The following GSDME variants were observed in gnomAD, a reference collection of about 807,000 sequenced individuals.
GSDME encodes the protein gasdermin-E.
GSDME carries 44 observed loss-of-function variants against 47.5 expected under a neutral mutation model. The ratio of observed to expected loss-of-function variants is 0.93; its 90% confidence interval spans 0.73 to 1.19. The LOEUF is 1.19. GSDME is among the 50% of genes most tolerant of loss of function. The probability of loss-of-function intolerance (pLI) is 0.00; values close to 1 mark genes in which losing one functional copy is unlikely to be tolerated. For missense variants in GSDME, 663 were observed against 604.2 expected (o/e 1.10, Z -1.02); for synonymous variants, 258 against 252.8 (o/e 1.02, Z -0.20).
Position 24,744,880 on chromosome 7 carries a change from C to T in GSDME, c.212-126G>A. 3.0e-6 allele frequency: 3 copies of T among 993,424 alleles called. No homozygotes were observed. The highest frequency in any genetic ancestry group is 2.7e-5 in the South Asian group (2 of 72,752). The allele number at this position is 993,424 out of a possible 1,614,324, so 61.5% of individuals were successfully genotyped here. A position where few individuals can be genotyped will look rare whatever the true frequency, so the allele number is the denominator to read the frequency against. On this transcript the variant is annotated intron_variant, in intron 2 of 9. Coordinates refer to ENST00000645220, the MANE Select transcript of GSDME (RefSeq NM_001127453.2). The surrounding 1 kb of genome is among the most constrained non-coding windows in gnomAD (Gnocchi z 4.5). ...AGAAGGCTGGCACTCAGATGGAAAG[C>T]CGGCAGCCATGCTGTGTGTGTGGGC...
intron 6 of GSDME, among the ~76,000 whole-genome samples, 189 bp from the exon 7 acceptor site, chr7:24,708,443 A>G (rs530097162): frequency 2.0e-5 from 3 of 152,302 alleles, no homozygotes; most frequent in Admixed American, 2.0e-4. Context: ...TCAATAACCA[A>G]AGGGAGGGAG....
In GSDME at chr7:24,754,186, C is replaced by G. The variant is rs979324330; in HGVS notation, c.-20+3210G>C. Among the ~76,000 whole-genome samples, 6 of 152,188 alleles carry G rather than the reference C, an allele frequency of 3.9e-5. No homozygotes were observed. The highest frequency in any genetic ancestry group is 1.4e-4 in the African/African-American group (6 of 41,436). On this transcript the variant is annotated intron_variant, in intron 1 of 9. Transcript: ENST00000645220. This position sits in a 1 kb window ranked among gnomAD's most constrained non-coding sequence, Gnocchi z 5.0. ...ATAGATCACGGACTCTCGCACAGAG[C>G]CTTAAAAGTTATATTAGCAGCCGGG...
chr7:24,749,959 T>G (rs1790803558), intron 1 of GSDME, among the ~76,000 whole-genome samples, 166 bp from the exon 2 acceptor site: 1 of 152,220 alleles, frequency 6.6e-6, no homozygotes, highest in Non-Finnish European at 1.5e-5. Context: ...AGAACTCAAA[T>G]AGAGATATTG....
chr7:24,762,622 G>A (rs545729009), upstream of GSDME, among the ~76,000 whole-genome samples: 16 of 152,256 alleles, frequency 1.1e-4, no homozygotes, highest in African/African-American at 3.6e-4. Flanking sequence ...GGTGACCAAC[G>A]AGAATGTGCT....
chr7:24,744,165 G>T lies in GSDME; in HGVS notation c.404+397C>A. 4.6e-6 allele frequency: 1 copy of T among 217,222 alleles called. No homozygotes were observed. The highest frequency in any genetic ancestry group is 9.3e-6 in the Non-Finnish European group (1 of 107,816). 13.5% of individuals were successfully genotyped at this position (217,222 alleles called of 1,614,324 possible). A position where few individuals can be genotyped will look rare whatever the true frequency, so the allele number is the denominator to read the frequency against. The stretch of plus-strand genomic sequence containing the variant: ...AGCTCTTATTTTTGAACTTTTTTAC[G>T]CGCCTCTCACTTGCTTTCTTCTTTT... On this transcript the variant is annotated intron_variant, in intron 3 of 9. Coordinates refer to ENST00000645220, the MANE Select transcript of GSDME (RefSeq NM_001127453.2). This position sits in a 1 kb window ranked among gnomAD's most constrained non-coding sequence, Gnocchi z 4.5.
chr7:24,709,431 C>T (rs1789257090), intron 6 of GSDME, among the ~76,000 whole-genome samples: 1 of 152,146 alleles, frequency 6.6e-6, no homozygotes, highest in South Asian at 2.1e-4. Flanking sequence ...TAAAATTGGG[C>T]CTTTGTTGTC....
chr7:24,713,715 G>C (rs149708163), intron 5 of GSDME, among the ~76,000 whole-genome samples: 1 of 152,264 alleles, frequency 6.6e-6, no homozygotes, highest in African/African-American at 2.4e-5. Context: ...CCACAGAAGG[G>C]TGTCTGAGCA....
intron 1 of GSDME, among the ~76,000 whole-genome samples, chr7:24,751,840 CAA>C (rs1188504309): frequency 6.6e-6 from 1 of 152,086 alleles, no homozygotes; most frequent in South Asian, 2.1e-4. Flanking sequence ...GATACAGAAA[CAA>C]AAAATAATTT....
At chr7:24,758,091 C>G (rs1032111059), upstream of GSDME, 3 of 152,318 alleles carry the variant, frequency 2.0e-5, no homozygotes, top group African/African-American at 7.2e-5. This position sits in a 1 kb window ranked among gnomAD's most constrained non-coding sequence, Gnocchi z 4.6. Flanking sequence ...CTCAGCATAG[C>G]TGGTGCTCAA....
At chr7:24,706,435 G>GAGACCAAGC in intron 7 of GSDME, 59 bp from the exon 8 acceptor site, 1 of 1,539,708 alleles carries the variant, frequency 6.5e-7, no homozygotes, top group Non-Finnish European at 8.9e-7. Flanking sequence ...GCCACAGCTG[G>GAGACCAAGC]GGCCTCCGCT....
At chr7:24,772,932 A>G in the GSDME span, among the ~76,000 whole-genome samples, 1 of 152,232 alleles carries the variant, frequency 6.6e-6, no homozygotes, top group Non-Finnish European at 1.5e-5. This position sits in a 1 kb window ranked among gnomAD's most constrained non-coding sequence, Gnocchi z 4.5. Context: ...GGACTTGGCA[A>G]TTACAGCCAA....
intron 3 of GSDME, among the ~76,000 whole-genome samples, chr7:24,743,815 C>T (rs928238033): frequency 2.0e-5 from 3 of 152,196 alleles, no homozygotes; most frequent in African/African-American, 7.2e-5. Flanking sequence ...TTTCTAAGTT[C>T]GTAGCCCCCA....
At chr7:24,738,559 T>C (rs1054177494) in intron 3 of GSDME, among the ~76,000 whole-genome samples, 7 of 152,124 alleles carry the variant, frequency 4.6e-5, no homozygotes, top group African/African-American at 1.4e-4. Flanking sequence ...AAGTAATCTA[T>C]ACTTTGTAGA....
chr7:24,712,828 G>C lies in GSDME; in HGVS notation c.698-2440C>G, dbSNP rs1241477645. ...GAGGTCAGGAGTTTGAGACCAGCCT[G>C]ACCAACATGGAGAAACCTCGTCTTT... On this transcript the variant is annotated intron_variant, in intron 5 of 9. Coordinates refer to ENST00000645220, the MANE Select transcript of GSDME (RefSeq NM_001127453.2). This position sits in a 1 kb window ranked among gnomAD's most constrained non-coding sequence, Gnocchi z 4.4. Among the ~76,000 whole-genome samples the C allele has an allele frequency of 6.6e-6, 1 of 152,162 alleles. No homozygotes were observed. The highest frequency in any genetic ancestry group is 1.5e-5 in the Non-Finnish European group (1 of 68,022).
intron 2 of GSDME, among the ~76,000 whole-genome samples, chr7:24,747,165 A>AT (rs1243204135): frequency 6.6e-6 from 1 of 152,114 alleles, no homozygotes; most frequent in Non-Finnish European, 1.5e-5. Flanking sequence ...CTATTTTGTC[A>AT]TTTTTTACCC....
rs1258125478 is a variant in GSDME at position 24,724,933 on chromosome 7, CCTCA to C, written c.405-5719_405-5716del. 2.6e-5 allele frequency: 4 copies of C among 152,284 alleles called. No individual in the cohort carries two copies. Among genetic ancestry groups the C allele is most frequent in the South Asian group, 4.2e-4 (2 of 4,814 alleles). The allele number at this position is 152,284 out of a possible 1,614,324, so 9.4% of individuals were successfully genotyped here. Reference sequence around the variant, plus strand: ...CTGGTTAAGAGTGTGGTACCTTCCCCCTCACTCTCTCTTGTTCCTCTTTCTTGCT... The same window carrying C: ...CTGGTTAAGAGTGTGGTACCTTCCCCCTCTCTCTTGTTCCTCTTTCTTGCT... On this transcript the variant is annotated intron_variant, in intron 3 of 9. Transcript: ENST00000645220. The surrounding 1 kb of genome is among the most constrained non-coding windows in gnomAD (Gnocchi z 4.8).
chr7:24,762,039 A>G (rs745496235), upstream of GSDME, among the ~76,000 whole-genome samples: 1 of 152,116 alleles, frequency 6.6e-6, no homozygotes, highest in Non-Finnish European at 1.5e-5. Flanking sequence ...AGATCAGTTG[A>G]GCCCAGGAGT....
At chr7:24,794,668 G>T in the GSDME span, among the ~76,000 whole-genome samples, 1 of 152,078 alleles carries the variant, frequency 6.6e-6, no homozygotes, top group Non-Finnish European at 1.5e-5. Flanking sequence ...AACTTTCCAG[G>T]TGTCATAGCG....
chr7:24,740,201 TCTTA>T (rs1216951658), intron 3 of GSDME, among the ~76,000 whole-genome samples: 2 of 152,166 alleles, frequency 1.3e-5, no homozygotes, highest in African/African-American at 4.8e-5. Context: ...CTTCACATGT[TCTTA>T]TTTATTTCTT....
Sources: gnomAD v4.1 joint callset for allele counts (sites outside exome capture counted in the v4.1 genomes callset) on GRCh38, gnomAD v4.1.1 for gene constraint, Gnocchi (gnomAD v3.1) non-coding constraint, MANE v1.5 for transcripts, NCBI Gene and HGNC (gene_info 2026-07-23, HGNC 2026-07-21) for gene names.